Variants in PTPRD observed in about 807,000 individuals in gnomAD.
The protein encoded by PTPRD is receptor-type tyrosine-protein phosphatase delta.
A neutral mutation model predicts 214.5 loss-of-function variants in PTPRD; 34 were observed. The ratio of observed to expected loss-of-function variants is 0.16; its 90% confidence interval spans 0.12 to 0.21. PTPRD has a LOEUF of 0.21. Among genes scored for constraint, PTPRD ranks in the 10% least tolerant of loss-of-function variants. The pLI is 1.00. For missense variants in PTPRD, 2,545 were observed against 2,398.7 expected, an observed-to-expected ratio of 1.06 and a Z score of -1.27; for synonymous variants, 1,128 against 845.7, an observed-to-expected ratio of 1.33 and a Z score of -5.79.
At chr9:8,481,156 A>T (rs959496078) in intron 30 of PTPRD, among the ~76,000 whole-genome samples, 9 of 151,284 alleles carry the variant, frequency 5.9e-5, no homozygotes, top group Non-Finnish European at 1.0e-4. Context: ...AAAAAAAAAA[A>T]AAAAAAAAAA....
At chr9:8,964,145 G>T in intron 11 of PTPRD, among the ~76,000 whole-genome samples, 2 of 127,530 alleles carry the variant, frequency 1.6e-5, no homozygotes, top group African/African-American at 3.0e-5. Flanking sequence ...GCTCTTCTTT[G>T]TACATCTGGT....
intron 9 of PTPRD, among the ~76,000 whole-genome samples, chr9:9,231,260 C>T (rs1187047008): frequency 6.6e-6 from 1 of 152,110 alleles, no homozygotes; most frequent in Non-Finnish European, 1.5e-5. Context: ...CCCAAGAAAA[C>T]ATTTTAATGA....
At chr9:10,556,244 T>A (rs528402101) in intron 2 of PTPRD, among the ~76,000 whole-genome samples, 1 of 152,150 alleles carries the variant, frequency 6.6e-6, no homozygotes, top group East Asian at 1.9e-4. Flanking sequence ...TTCCTATCAA[T>A]ATAATAGCTA....
At chr9:8,629,114 C>T (rs529932164) in intron 14 of PTPRD, among the ~76,000 whole-genome samples, 21 of 151,468 alleles carry the variant, frequency 1.4e-4, no homozygotes, top group African/African-American at 4.8e-4. Context: ...TGATTACTCC[C>T]CTAAAAAAAA....
At chr9:9,340,151 T>C (rs989142655) in intron 9 of PTPRD, among the ~76,000 whole-genome samples, 3 of 152,072 alleles carry the variant, frequency 2.0e-5, no homozygotes, top group South Asian at 2.1e-4. Context: ...GACAGTAAAG[T>C]GATACTGACT....
chr9:8,638,967 CA>C (rs902999649), intron 12 of PTPRD, among the ~76,000 whole-genome samples: 86 of 152,226 alleles, frequency 5.6e-4, no homozygotes, highest in African/African-American at 2.0e-3. Context: ...CTCAGCCTCC[CA>C]AATAGCTAGG....
chr9:8,629,464 A>G (rs2096174134), intron 14 of PTPRD, among the ~76,000 whole-genome samples: 2 of 151,888 alleles, frequency 1.3e-5, no homozygotes, highest in Admixed American at 1.3e-4. Flanking sequence ...CGAAACAGAC[A>G]GAACCAATTC....
At chr9:9,616,029 C>G (rs955296986) in intron 7 of PTPRD, among the ~76,000 whole-genome samples, 1 of 152,062 alleles carries the variant, frequency 6.6e-6, no homozygotes, top group African/African-American at 2.4e-5. Flanking sequence ...GAAATCAAAA[C>G]GTTTCTAGAA....
chr9:10,179,230 G>A (rs951661601), intron 3 of PTPRD, among the ~76,000 whole-genome samples: 1 of 151,268 alleles, frequency 6.6e-6, no homozygotes, highest in South Asian at 2.1e-4. Flanking sequence ...CTTTGAGCCA[G>A]GAATGCTTTT....
chr9:9,561,526 TG>T (rs1006879155), intron 8 of PTPRD, among the ~76,000 whole-genome samples: 1 of 152,200 alleles, frequency 6.6e-6, no homozygotes, highest in Admixed American at 6.5e-5. Context: ...TCAAACCATT[TG>T]GGGTAAAATT....
chr9:9,240,662 T>G (rs1569565418), intron 9 of PTPRD, among the ~76,000 whole-genome samples: 1 of 152,176 alleles, frequency 6.6e-6, no homozygotes, highest in Non-Finnish European at 1.5e-5. Flanking sequence ...GAAGCATTGT[T>G]GAACAGTAAG....
At chr9:8,846,152 G>C (rs2097691269) in intron 11 of PTPRD, among the ~76,000 whole-genome samples, 3 of 152,036 alleles carry the variant, frequency 2.0e-5, no homozygotes, top group Admixed American at 6.6e-5. Flanking sequence ...TAAGGAACTA[G>C]GTAAATGAAA....
At chr9:9,309,351 C>G (rs554757864) in intron 9 of PTPRD, among the ~76,000 whole-genome samples, 1 of 150,298 alleles carries the variant, frequency 6.7e-6, no homozygotes, top group Non-Finnish European at 1.5e-5. Flanking sequence ...ACAAAAAAAA[C>G]AAAGAATGTA....
intron 4 of PTPRD, among the ~76,000 whole-genome samples, chr9:10,012,615 A>T (rs2096624655): frequency 6.6e-6 from 1 of 151,956 alleles, no homozygotes; most frequent in African/African-American, 2.4e-5. Flanking sequence ...GTCAGATTTT[A>T]CTCACTATTT....
intron 3 of PTPRD, among the ~76,000 whole-genome samples, chr9:10,088,729 A>C (rs1399396180): frequency 1.3e-5 from 2 of 151,752 alleles, no homozygotes; most frequent in Admixed American, 6.6e-5. Context: ...CATGTTTCCT[A>C]TCTACATCTT....
intron 10 of PTPRD, among the ~76,000 whole-genome samples, chr9:9,120,121 G>A (rs1267225647): frequency 1.3e-5 from 2 of 152,180 alleles, no homozygotes; most frequent in African/African-American, 4.8e-5. Flanking sequence ...AGCAAATGAT[G>A]TGCCTGATTA....
chr9:8,925,746 C>A (rs995630367), intron 11 of PTPRD, among the ~76,000 whole-genome samples: 12 of 151,426 alleles, frequency 7.9e-5, no homozygotes, highest in African/African-American at 2.4e-5. Context: ...CAGCTATAAA[C>A]ACCTCTTGTC....
chr9:8,330,009 C>T (rs937681182), intron 44 of PTPRD, among the ~76,000 whole-genome samples: 5 of 151,878 alleles, frequency 3.3e-5, no homozygotes, highest in African/African-American at 9.7e-5. Flanking sequence ...CCAAGCCAGG[C>T]ACTGGAGGGA....
intron 3 of PTPRD, among the ~76,000 whole-genome samples, chr9:10,320,421 A>G (rs1035381685): frequency 1.3e-5 from 2 of 152,046 alleles, no homozygotes; most frequent in Non-Finnish European, 2.9e-5. Flanking sequence ...TTTCCTCCTA[A>G]AAAGGTAGAA....
Sources: allele counts gnomAD v4.1 joint callset (sites outside exome capture counted in the v4.1 genomes callset), GRCh38; gene constraint gnomAD v4.1.1; transcripts MANE v1.5; gene names NCBI Gene and HGNC (gene_info 2026-07-23, HGNC 2026-07-21).